Variants in BMP1 observed in about 807,000 individuals in gnomAD.
BMP1 encodes bone morphogenetic protein 1.
Under a neutral mutation model 116.8 loss-of-function variants are expected in BMP1, and 63 were observed. The ratio of observed to expected loss-of-function variants is 0.54; its 90% CI spans 0.44 to 0.67. The LOEUF (loss-of-function observed/expected upper bound fraction) is 0.67. Among genes scored for constraint, BMP1 ranks in the 30% least tolerant of loss-of-function variants. The pLI is 0.00. For missense variants in BMP1, 1,183 were observed against 1,358.9 expected (o/e 0.87, Z 2.04); for synonymous variants, 536 against 533.4 (o/e 1.00, Z -0.07).
chr8:22,185,404 C>A (rs2131863819), intron 8 of BMP1, among the ~76,000 whole-genome samples: 1 of 151,366 alleles, frequency 6.6e-6, no homozygotes, highest in East Asian at 2.0e-4. Context: ...TGCAGTGAGC[C>A]AAGATCGTGC....
chr8:22,177,539 C>A, intron 5 of BMP1: 1 of 727,266 alleles, frequency 1.4e-6, no homozygotes, highest in South Asian at 1.4e-5. Flanking sequence ...CTCTGTCCCT[C>A]CCTTCCCGCC....
chr8:22,173,190 T>A (rs944266661), intron 1 of BMP1, among the ~76,000 whole-genome samples: 1 of 152,162 alleles, frequency 6.6e-6, no homozygotes, highest in African/African-American at 2.4e-5. Context: ...GGCTCACACC[T>A]GTATTCCCAG....
rs371139780 is a variant in BMP1 at position 22,177,881 on chromosome 8, C to G, written c.760C>G (p.Pro254Ala). 19 of 1,613,304 alleles carry G rather than the reference C, an allele frequency of 1.2e-5. No individual in the cohort carries two copies. The highest frequency in any genetic ancestry group is 8.0e-5 in the African/African-American group (6 of 74,886). Residue 254 changes from proline to alanine, a missense_variant, in exon 6 of 20, where the codon CCT (proline) becomes GCT (alanine). By Grantham distance (27) the Pro-to-Ala change is conservative. Transcript: ENST00000306385. ...GQEYNFLKMEPQEVESLGETY... is the reference protein window; with the variant it reads ...GQEYNFLKMEAQEVESLGETY... ...GGAGTATAACTTCCTGAAGATGGAG[C>G]CTCAGGAGGTGGAGTCCCTGGGGGA... is the stretch of plus-strand genomic sequence containing the variant.
chr8:22,198,754 T>G (rs1275325020), intron 15 of BMP1: 1 of 211,850 alleles, frequency 4.7e-6, no homozygotes, highest in Non-Finnish European at 9.0e-6. Context: ...CCGGATGCCA[T>G]GCACCTGCCC....
chr8:22,211,912 C>A lies in BMP1; in HGVS notation c.*184C>A. 1 of 799,168 alleles carries A rather than the reference C, an allele frequency of 1.3e-6. No individual in the cohort carries two copies. The highest frequency in any genetic ancestry group is 1.8e-5 in the South Asian group (1 of 54,688). 49.5% of individuals were successfully genotyped at this position (799,168 alleles called of 1,614,324 possible). ...ACTGGACTCCGGCATAAGCCACTTCCCCACAAACCCCCACCAGCAAGGGGC... is the reference window on the plus strand; with the variant it reads ...ACTGGACTCCGGCATAAGCCACTTCACCACAAACCCCCACCAGCAAGGGGC... On this transcript the variant is annotated 3_prime_UTR_variant, in exon 20 of 20. Coordinates refer to ENST00000306385, the MANE Select transcript of BMP1 (RefSeq NM_006129.5).
chr8:22,204,720 C>A lies in BMP1; in HGVS notation c.2234-2134C>A, dbSNP rs540793036. Among the ~76,000 whole-genome samples the A allele has an allele frequency of 1.4e-3, 199 of 140,070 alleles. No homozygotes were observed. The Middle Eastern group carries it at 0.031, about 22-fold the overall frequency. The allele number at this position is 140,070 out of a possible 152,430, so 91.9% of individuals were successfully genotyped here. On this transcript the variant is annotated intron_variant, in intron 16 of 19. Transcript: ENST00000306385. ...CCTGGGCAACAGAGCAAGACCCTGTCCCCCCCCACCCCGCCCGCCCCCGCA... is the reference window on the plus strand; with the variant it reads ...CCTGGGCAACAGAGCAAGACCCTGTACCCCCCCACCCCGCCCGCCCCCGCA...
rs1040185925 is a variant in BMP1 at position 22,194,034 on chromosome 8, C to G, written c.1181-24C>G. 6.3e-7 allele frequency: 1 copy of G among 1,598,032 alleles called. No homozygotes were observed. The highest frequency in any genetic ancestry group is 1.3e-5 in the African/African-American group (1 of 74,540). ...GGGGGTGTCCTCAGGGTTCACCACT[C>G]TTCCATCCACACTGTCTGTGCAGGC... On this transcript the variant is annotated intron_variant, in intron 9 of 19. Coordinates refer to ENST00000306385, the MANE Select transcript of BMP1 (RefSeq NM_006129.5). This position sits in a 1 kb window ranked among gnomAD's most constrained non-coding sequence, Gnocchi z 4.5.
chr8:22,179,558 G>T lies in BMP1; in HGVS notation c.837-147G>T, dbSNP rs528597663. The T allele has an allele frequency of 7.2e-6, 10 of 1,386,390 alleles. No individual in the cohort carries two copies. In the African/African-American group the frequency reaches 1.3e-4, roughly 18 times the overall value. 85.9% of individuals were successfully genotyped at this position (1,386,390 alleles called of 1,614,324 possible). A position where few individuals can be genotyped will look rare whatever the true frequency, so the allele number is the denominator to read the frequency against. ...GGTCAGTGGGTAGCATAATGACAGG[G>T]TGAGACGACTCCACCCGGCCCTGAC... On this transcript the variant is annotated intron_variant, in intron 6 of 19. Coordinates refer to ENST00000306385, the MANE Select transcript of BMP1 (RefSeq NM_006129.5). The surrounding 1 kb of genome is among the most constrained non-coding windows in gnomAD (Gnocchi z 4.6).
intron 1 of BMP1, chr8:22,171,286 C>T (rs1475116774): frequency 6.6e-6 from 1 of 152,206 alleles, no homozygotes; most frequent in Non-Finnish European, 1.5e-5. Flanking sequence ...GGGCTGGAAC[C>T]TAAACCTAGC....
Position 22,194,968 on chromosome 8 carries a change from A to T in BMP1, c.1639+49A>T. The T allele has an allele frequency of 5.2e-6, 8 of 1,529,950 alleles. No homozygotes were observed. The highest frequency in any genetic ancestry group is 6.2e-6 in the Non-Finnish European group (7 of 1,129,186). The allele number at this position is 1,529,950 out of a possible 1,614,324, so 94.8% of individuals were successfully genotyped here. On this transcript the variant is annotated intron_variant, in intron 12 of 19. Transcript: ENST00000306385. This position sits in a 1 kb window ranked among gnomAD's most constrained non-coding sequence, Gnocchi z 4.5. ...TGCCCCAAGGTGCCTCGTGACCTTC[A>T]TCCCTTCTTCACTCACTCATTCAAC...
intron 19 of BMP1, among the ~76,000 whole-genome samples, chr8:22,210,359 C>CTCT (rs201856262): frequency 0.043 from 6,068 of 142,548 alleles, 202 homozygotes; most frequent in Admixed American, 0.076. Context: ...TTGCAGCTGC[C>CTCT]TCTTCTTCTT....
At chr8:22,169,642 T>C (rs1563235823) in intron 1 of BMP1, 1 of 152,270 alleles carries the variant, frequency 6.6e-6, no homozygotes, top group Non-Finnish European at 1.5e-5. Flanking sequence ...GGTTTGAGTG[T>C]GTCATCCCCC....
At chr8:22,186,486 G>C (rs1438559712) in intron 8 of BMP1, among the ~76,000 whole-genome samples, 2 of 151,958 alleles carry the variant, frequency 1.3e-5, no homozygotes, top group Non-Finnish European at 1.5e-5. Flanking sequence ...ATATTTTTTT[G>C]AGATGGAGTC....
chr8:22,199,047 C>T (rs375684284), intron 15 of BMP1: 9 of 1,354,564 alleles, frequency 6.6e-6, no homozygotes, highest in African/African-American at 3.0e-5. Context: ...GGGACCGACA[C>T]TCACATCTAT....
intron 16 of BMP1, among the ~76,000 whole-genome samples, chr8:22,205,896 A>G (rs1278438031): frequency 6.6e-6 from 1 of 152,226 alleles, no homozygotes; most frequent in Non-Finnish European, 1.5e-5. Context: ...GTGAAGAAAC[A>G]GTGGATGATG....
intron 18 of BMP1, 50 bp from the exon 19 acceptor site, chr8:22,209,395 C>T (rs950213197): frequency 1.9e-6 from 3 of 1,597,006 alleles, no homozygotes; most frequent in African/African-American, 1.3e-5. Flanking sequence ...TGCCATGGGG[C>T]CTGGCACCTG....
At chr8:22,207,276 A>G (rs753298372) in intron 17 of BMP1, 27 bp from the exon 18 acceptor site, 53 of 1,595,372 alleles carry the variant, frequency 3.3e-5, no homozygotes, top group Non-Finnish European at 4.1e-5. Flanking sequence ...CAAATTTTTA[A>G]TCTGTGCTCC....
intron 19 of BMP1, 150 bp from the exon 20 acceptor site, chr8:22,211,444 A>C (rs1434381161): frequency 8.8e-7 from 1 of 1,133,170 alleles, no homozygotes; most frequent in African/African-American, 1.6e-5. Context: ...TCCTCATTAA[A>C]CCAGCAAGAA....
chr8:22,198,294 C>T (rs559036129), intron 15 of BMP1: 1 of 152,410 alleles, frequency 6.6e-6, no homozygotes, highest in South Asian at 2.1e-4. Flanking sequence ...AGCTGCCCCA[C>T]CTAAGGCCTG....
Sources: gnomAD v4.1 joint callset for allele counts (sites outside exome capture counted in the v4.1 genomes callset) on GRCh38, gnomAD v4.1.1 for gene constraint, Gnocchi (gnomAD v3.1) non-coding constraint, MANE v1.5 for transcripts, NCBI Gene and HGNC (gene_info 2026-07-23, HGNC 2026-07-21) for gene names.